The following TENM4 variants were observed in gnomAD, a reference collection of about 807,000 sequenced individuals.
TENM4 encodes the protein teneurin transmembrane protein 4, also known as teneurin-4.
TENM4 carries 82 observed loss-of-function variants against 243.3 expected under a neutral mutation model. The ratio of observed to expected loss-of-function variants is 0.34; its 90% confidence interval spans 0.28 to 0.40. The LOEUF (loss-of-function observed/expected upper bound fraction) is 0.40, where lower values mean the gene tolerates loss of function less well. Among genes scored for constraint, TENM4 ranks in the 10% least tolerant of loss-of-function variants. The pLI, the probability that TENM4 is intolerant of heterozygous loss-of-function variation, is 1.00. For missense variants in TENM4, 3,138 were observed against 3,673.3 expected, an observed-to-expected ratio of 0.85 and a Z score of 3.77; for synonymous variants, 1,412 against 1,456.3, an observed-to-expected ratio of 0.97 and a Z score of 0.69.
chr11:79,006,459 C>T (rs1365235032), intron 6 of TENM4, among the ~76,000 whole-genome samples: 1 of 152,198 alleles, frequency 6.6e-6, no homozygotes, highest in Non-Finnish European at 1.5e-5. Flanking sequence ...GGCTCATTTA[C>T]TGAGTTCAGA....
intron 6 of TENM4, among the ~76,000 whole-genome samples, chr11:78,923,843 C>CT (rs34116618): frequency 0.65 from 92,564 of 142,614 alleles, 30,644 homozygotes; most frequent in East Asian, 0.77. Flanking sequence ...CCTCGCTATT[C>CT]TTTTTTTTTT....
In TENM4 at chr11:79,358,308, G is replaced by A. The variant is rs138586062; in HGVS notation, c.-320-60765C>T. ...TTAGCACAGTGCCAGCTGAGTAAAT[G>A]CCAATATTACATCTTGTTGATCAGA... On this transcript the variant is annotated intron_variant, in intron 1 of 33. Coordinates refer to ENST00000278550, the MANE Select transcript of TENM4 (RefSeq NM_001098816.3). Among the ~76,000 whole-genome samples the A allele has an allele frequency of 1.8e-3, 280 of 152,322 alleles. 6 individuals are homozygous for A. The highest frequency in any genetic ancestry group is 3.7e-4 in the Non-Finnish European group (25 of 68,036).
At chr11:78,979,932 C>T (rs903201522) in intron 6 of TENM4, among the ~76,000 whole-genome samples, 6 of 152,272 alleles carry the variant, frequency 3.9e-5, no homozygotes, top group Admixed American at 2.6e-4. Context: ...TCTAAGCTCC[C>T]TTAGAGTTCC....
intron 1 of TENM4, among the ~76,000 whole-genome samples, chr11:79,358,948 G>GC (rs1857543825): frequency 1.6e-5 from 2 of 121,580 alleles, no homozygotes; most frequent in South Asian, 5.0e-4. Flanking sequence ...AAGTAAAAAG[G>GC]CATTTTTTTT....
Position 78,745,572 on chromosome 11 carries a change from A to G in TENM4, c.2757-7002T>C, listed in dbSNP as rs114697104. Among the ~76,000 whole-genome samples, 1,159 of 152,240 alleles carry G rather than the reference A, an allele frequency of 7.6e-3. 19 individuals carry two copies. The highest frequency in any genetic ancestry group is 0.027 in the African/African-American group (1,101 of 41,538). ...GGAGTAGATCTTGATCTCCCTCAGA[A>G]TGCCTCATGTGCTGGTCCAGACATG... On this transcript the variant is annotated intron_variant, in intron 19 of 33. Coordinates refer to ENST00000278550, the MANE Select transcript of TENM4 (RefSeq NM_001098816.3).
At chr11:79,252,606 T>C (rs6592835) in intron 2 of TENM4, among the ~76,000 whole-genome samples, 5,956 of 152,316 alleles carry the variant, frequency 0.039, 406 homozygotes, top group African/African-American at 0.14. Flanking sequence ...GAACTATCTA[T>C]AGTGGAAGAT....
intron 2 of TENM4, among the ~76,000 whole-genome samples, chr11:79,265,544 G>A (rs920706956): frequency 2.5e-4 from 4 of 15,896 alleles, no homozygotes; most frequent in Admixed American, 7.8e-4. Context: ...AATTTCCCCT[G>A]TTTCTGTTCA....
At chr11:79,082,261 C>T (rs1860694708) in intron 4 of TENM4, among the ~76,000 whole-genome samples, 2 of 152,140 alleles carry the variant, frequency 1.3e-5, no homozygotes, top group African/African-American at 4.8e-5. Context: ...CCTTGGCATC[C>T]TCTAAGTGGC....
intron 2 of TENM4, among the ~76,000 whole-genome samples, chr11:79,280,631 G>A (rs549537650): frequency 1.1e-4 from 17 of 152,288 alleles, no homozygotes; most frequent in African/African-American, 3.6e-4. Flanking sequence ...CCATCTCTCC[G>A]TGTCCCTGCC....
At chr11:79,420,524 C>A (rs1336931681) in intron 1 of TENM4, among the ~76,000 whole-genome samples, 2 of 152,164 alleles carry the variant, frequency 1.3e-5, no homozygotes, top group African/African-American at 4.8e-5. Context: ...AAAGAAAACT[C>A]ATATTAGAAG....
At chr11:78,983,368 T>A (rs967149906) in intron 6 of TENM4, among the ~76,000 whole-genome samples, 5 of 152,208 alleles carry the variant, frequency 3.3e-5, no homozygotes, top group African/African-American at 1.2e-4. Context: ...AAAACAAACC[T>A]GTTAGATATT....
intron 6 of TENM4, among the ~76,000 whole-genome samples, chr11:78,948,469 G>C (rs1857049431): frequency 6.6e-6 from 1 of 151,502 alleles, no homozygotes; most frequent in African/African-American, 2.4e-5. Flanking sequence ...CCGTCTCCCG[G>C]GTTCATGCCA....
chr11:79,349,048 G>A (rs894267980), intron 1 of TENM4, among the ~76,000 whole-genome samples: 2 of 152,150 alleles, frequency 1.3e-5, no homozygotes, highest in Non-Finnish European at 2.9e-5. Context: ...GCTCAAAGGG[G>A]AATGGCTTGC....
intron 4 of TENM4, among the ~76,000 whole-genome samples, chr11:79,138,412 T>A (rs1441608036): frequency 8.7e-5 from 10 of 114,586 alleles, no homozygotes; most frequent in Non-Finnish European, 1.7e-4. Context: ...ATAAATAAAA[T>A]ATATATTATA....
intron 12 of TENM4, among the ~76,000 whole-genome samples, chr11:78,835,807 C>T (rs889448804): frequency 1.3e-5 from 2 of 152,184 alleles, no homozygotes; most frequent in African/African-American, 2.4e-5. Context: ...CATACTTTTC[C>T]TCTGAGCTCA....
intron 6 of TENM4, among the ~76,000 whole-genome samples, chr11:78,948,374 C>CTTTT (rs200520007): frequency 7.2e-6 from 1 of 138,762 alleles, no homozygotes; most frequent in Non-Finnish European, 1.6e-5. Flanking sequence ...TCCCAACTGT[C>CTTTT]TTTTTTTTTT....
chr11:79,234,785 C>G (rs1407159482), intron 2 of TENM4, among the ~76,000 whole-genome samples: 1 of 152,174 alleles, frequency 6.6e-6, no homozygotes, highest in Non-Finnish European at 1.5e-5. Flanking sequence ...TAGTGCTTCC[C>G]TTAGGAAAAG....
At position 79,380,211 on chromosome 11, in the gene TENM4, G is replaced by A. The variant is rs79788086; in HGVS notation, c.-321+60298C>T. 4.2e-4 allele frequency among the ~76,000 whole-genome samples: 64 copies of A among 152,130 alleles called. 1 individual carries two copies. Among genetic ancestry groups the A allele is most frequent in the South Asian group, 3.1e-3 (15 of 4,822 alleles). On this transcript the variant is annotated intron_variant, in intron 1 of 33. Transcript: ENST00000278550. The stretch of plus-strand genomic sequence containing the variant: ...TGAATGAGAAAAGCAAAGCAAGATT[G>A]TCTAAACACCTTTTGTTTGCCTTCA...
rs557547817 is a variant in TENM4 at position 78,763,029 on chromosome 11, A to G, written c.2540-6008T>C. Among the ~76,000 whole-genome samples the G allele has an allele frequency of 1.9e-4, 29 of 152,334 alleles. No homozygotes were observed. The South Asian group carries it at 3.7e-3, about 20-fold the overall frequency. ...AATACTTCATATCTCACTTAATTAT[A>G]TATCATACGTAAGTTGGTTGACTTA... On this transcript the variant is annotated intron_variant, in intron 18 of 33. Coordinates refer to ENST00000278550, the MANE Select transcript of TENM4 (RefSeq NM_001098816.3).
Sources: allele counts gnomAD v4.1 joint callset (sites outside exome capture counted in the v4.1 genomes callset), GRCh38; gene constraint gnomAD v4.1.1; transcripts MANE v1.5; gene names NCBI Gene and HGNC (gene_info 2026-07-23, HGNC 2026-07-21).